The following ATP10A variants were observed in gnomAD, a reference collection of about 807,000 sequenced individuals.
The protein encoded by ATP10A is phospholipid-transporting ATPase VA.
ATP10A carries 111 observed loss-of-function variants against 147.8 expected under a neutral mutation model. The observed-to-expected ratio is 0.75, with a 90% CI of 0.64 to 0.88. The LOEUF (loss-of-function observed/expected upper bound fraction) is 0.88, where lower values mean the gene tolerates loss of function less well. Ranked by LOEUF, ATP10A falls within the 40% of genes least tolerant of loss-of-function variation. ATP10A has a pLI of 0.00. For missense variants in ATP10A, 1,927 were observed against 1,959.0 expected (o/e 0.98, Z 0.31); for synonymous variants, 875 against 841.6 (o/e 1.04, Z -0.69).
intron 1 of ATP10A, among the ~76,000 whole-genome samples, chr15:25,792,686 C>A (rs1253934234): frequency 6.6e-6 from 1 of 152,154 alleles, no homozygotes. Flanking sequence ...GAAGCACGCA[C>A]TGCACCAGGC....
chr15:25,692,939 T>C lies in ATP10A; in HGVS notation c.3089-1148A>G, dbSNP rs144034418. The stretch of plus-strand genomic sequence containing the variant: ...CTTCAGCCTCCTGAGTAGGTAGGAC[T>C]ACAGGTACATGCCACCACACCCAGC... On this transcript the variant is annotated intron_variant, in intron 14 of 20. Transcript: ENST00000555815. 2.0e-3 allele frequency among the ~76,000 whole-genome samples: 305 copies of C among 152,112 alleles called. 2 individuals are homozygous for C. The highest frequency in any genetic ancestry group is 6.9e-3 in the African/African-American group (288 of 41,508).
chr15:25,850,151 C>G (rs890523919), intron 1 of ATP10A, among the ~76,000 whole-genome samples: 3 of 152,136 alleles, frequency 2.0e-5, no homozygotes, highest in Non-Finnish European at 4.4e-5. Flanking sequence ...ACAATTGTAG[C>G]CCATTATGTG....
intron 2 of ATP10A, among the ~76,000 whole-genome samples, chr15:25,766,995 C>G (rs1889059092): frequency 6.6e-6 from 1 of 152,036 alleles, no homozygotes; most frequent in South Asian, 2.1e-4. Flanking sequence ...ACACTTTGCC[C>G]TGCCTGGTTT....
intron 1 of ATP10A, among the ~76,000 whole-genome samples, chr15:25,813,902 A>T (rs80175790): frequency 0.029 from 4,477 of 152,200 alleles, 77 homozygotes; most frequent in African/African-American, 0.036. Flanking sequence ...TCTATGGGAC[A>T]ACTTCTAGTA....
intron 1 of ATP10A, among the ~76,000 whole-genome samples, chr15:25,833,849 G>A (rs1892473781): frequency 6.6e-6 from 1 of 152,272 alleles, no homozygotes; most frequent in Non-Finnish European, 1.5e-5. Flanking sequence ...GTGGGCACCT[G>A]TGGTCCCAGC....
intron 1 of ATP10A, chr15:25,862,282 T>G (rs995744821): frequency 4.2e-5 from 21 of 496,906 alleles, no homozygotes; most frequent in Non-Finnish European, 7.9e-5. Context: ...AGGCAGGGAC[T>G]TCAGGCCAGG....
At chr15:25,854,004 A>C (rs1330820963) in intron 1 of ATP10A, among the ~76,000 whole-genome samples, 1 of 152,124 alleles carries the variant, frequency 6.6e-6, no homozygotes, top group East Asian at 1.9e-4. Flanking sequence ...TACTGACCAA[A>C]GAAATCAATT....
At chr15:25,725,917 C>T (rs1235011947) in intron 5 of ATP10A, 34 bp downstream of exon 5, 2 of 1,585,634 alleles carry the variant, frequency 1.3e-6, no homozygotes, top group Non-Finnish European at 1.7e-6. Flanking sequence ...TGCGCCTGGC[C>T]CCCACTCATT....
intron 1 of ATP10A, among the ~76,000 whole-genome samples, chr15:25,823,850 C>T (rs1037238404): frequency 1.1e-4 from 17 of 152,222 alleles, no homozygotes; most frequent in Non-Finnish European, 4.4e-5. Flanking sequence ...TAGCTACTTA[C>T]TTTCCTATGC....
chr15:25,858,288 C>T (rs1314150248), intron 1 of ATP10A, among the ~76,000 whole-genome samples: 1 of 152,100 alleles, frequency 6.6e-6, no homozygotes, highest in Non-Finnish European at 1.5e-5. Context: ...ACCCAAATGA[C>T]AGAGATGCTG....
rs761371552 is a variant in ATP10A, at chr15:25,702,114, C to T, written c.2576-14G>A. 5.6e-6 allele frequency: 9 copies of T among 1,605,526 alleles called. No homozygotes were observed. Among genetic ancestry groups the T allele is most frequent in the Non-Finnish European group, 7.7e-6 (9 of 1,175,878 alleles). On this transcript the variant is annotated splice_polypyrimidine_tract_variant and intron_variant, in intron 12 of 20. Transcript: ENST00000555815. ...TCCCAGTGGCACCTGGTCAAATGCA[C>T]AGCAGTGTGAGCGAACCCGCTTCTC...
intron 1 of ATP10A, among the ~76,000 whole-genome samples, chr15:25,787,494 C>T (rs957425169): frequency 1.1e-4 from 16 of 151,696 alleles, no homozygotes; most frequent in Admixed American, 7.9e-4. Flanking sequence ...CACCTTGGTC[C>T]GAGCTACTCA....
intron 2 of ATP10A, among the ~76,000 whole-genome samples, chr15:25,772,369 C>T (rs1009789102): frequency 6.6e-6 from 1 of 152,136 alleles, no homozygotes; most frequent in Non-Finnish European, 1.5e-5. Context: ...ACTTTGCACC[C>T]AAAACCTTTC....
chr15:25,725,939 T>G lies in ATP10A; in HGVS notation c.979+12A>C, dbSNP rs765058388. The G allele has an allele frequency of 6.2e-7, 1 of 1,611,704 alleles. No homozygotes were observed. The highest frequency in any genetic ancestry group is 1.7e-5 in the Admixed American group (1 of 59,964). Reference sequence around the variant, plus strand: ...GGCCCCCACTCATTTCCGATCCATCTAGGAGACTTACCGACTGCTGAAAAC... The same window carrying G: ...GGCCCCCACTCATTTCCGATCCATCGAGGAGACTTACCGACTGCTGAAAAC... On this transcript the variant is annotated intron_variant, in intron 5 of 20. Coordinates refer to ENST00000555815, the MANE Select transcript of ATP10A (RefSeq NM_024490.4).
At chr15:25,757,521 G>T (rs1391521492) in intron 2 of ATP10A, among the ~76,000 whole-genome samples, 1 of 152,142 alleles carries the variant, frequency 6.6e-6, no homozygotes, top group East Asian at 1.9e-4. Flanking sequence ...TAATTCAAAG[G>T]TTATTTAGAG....
chr15:25,856,965 G>C (rs1277613373), intron 1 of ATP10A, among the ~76,000 whole-genome samples: 3 of 151,840 alleles, frequency 2.0e-5, no homozygotes, highest in Admixed American at 6.6e-5. Context: ...AAATTGCAAG[G>C]GAAAAAAAGA....
intron 1 of ATP10A, among the ~76,000 whole-genome samples, chr15:25,806,336 G>A (rs1891181632): frequency 1.4e-5 from 1 of 69,366 alleles, no homozygotes; most frequent in African/African-American, 3.9e-5. Flanking sequence ...TCTTTGAGAT[G>A]GAGTCTTGCT....
chr15:25,856,857 T>C (rs1418170904), intron 1 of ATP10A, among the ~76,000 whole-genome samples: 5 of 151,472 alleles, frequency 3.3e-5, no homozygotes, highest in East Asian at 1.9e-4. Context: ...GGAATTACAA[T>C]AGAAAAAAAA....
intron 2 of ATP10A, among the ~76,000 whole-genome samples, chr15:25,738,910 G>T (rs1427404950): frequency 6.6e-6 from 1 of 152,172 alleles, no homozygotes; most frequent in African/African-American, 2.4e-5. Flanking sequence ...GGTCACAGTG[G>T]TCTTGGAGTG....
Sources: allele counts gnomAD v4.1 joint callset (sites outside exome capture counted in the v4.1 genomes callset), GRCh38; gene constraint gnomAD v4.1.1; transcripts MANE v1.5; gene names NCBI Gene and HGNC (gene_info 2026-07-23, HGNC 2026-07-21).